The following HNRNPC variants were observed in gnomAD, a reference collection of about 807,000 sequenced individuals.
HNRNPC encodes the protein heterogeneous nuclear ribonucleoproteins C1/C2.
A neutral mutation model predicts 33.2 loss-of-function variants in HNRNPC; 3 were observed. The observed-to-expected ratio is 0.09, with a 90% CI of 0.04 to 0.23. The LOEUF is 0.23. HNRNPC is among the 10% of genes least tolerant of loss of function. The pLI is 1.00. For synonymous variants in HNRNPC, 121 were observed against 126.7 expected (o/e 0.96, Z 0.30); for missense variants, 143 against 366.7 (o/e 0.39, Z 4.98).
intron 2 of HNRNPC, among the ~76,000 whole-genome samples, chr14:21,235,411 T>G (rs1894593597): frequency 6.6e-6 from 1 of 152,160 alleles, no homozygotes; most frequent in Admixed American, 6.5e-5. Flanking sequence ...AACAGGTAGT[T>G]TAACACCATT....
chr14:21,229,848 T>C (rs1304523322), intron 5 of HNRNPC, among the ~76,000 whole-genome samples: 3 of 152,212 alleles, frequency 2.0e-5, no homozygotes, highest in Non-Finnish European at 4.4e-5. Context: ...TTGCATACAA[T>C]AGTTTGCTCC....
chr14:21,253,726 T>G (rs549019444), intron 2 of HNRNPC, among the ~76,000 whole-genome samples: 2 of 152,000 alleles, frequency 1.3e-5, no homozygotes, highest in Non-Finnish European at 2.9e-5. Context: ...ACACTGCCAA[T>G]AAATTGCTAA....
chr14:21,215,935 GAAAAGA>G (rs1223154819), intron 5 of HNRNPC, among the ~76,000 whole-genome samples: 56 of 136,772 alleles, frequency 4.1e-4, no homozygotes, highest in African/African-American at 1.6e-3. Flanking sequence ...GAAAGAAAAG[GAAAAGA>G]AAAAGAAAAA....
At chr14:21,235,212 CA>C (rs1200216074) in intron 2 of HNRNPC, among the ~76,000 whole-genome samples, 1 of 152,110 alleles carries the variant, frequency 6.6e-6, no homozygotes, top group African/African-American at 2.4e-5. Flanking sequence ...CTTCCCACTC[CA>C]ACCCCCAATC....
chr14:21,213,010 C>G lies in HNRNPC; in HGVS notation c.473G>C (p.Ser158Thr). The G allele has an allele frequency of 6.2e-7, 1 of 1,613,976 alleles. No homozygotes were observed. The highest frequency in any genetic ancestry group is 1.7e-4 in the Middle Eastern group (1 of 6,056). The stretch of plus-strand genomic sequence containing the variant: ...CTGTCCACTCTTAGAATTGAAGCCA[C>G]TTTTGCCCCTTCGTGAAGTGTTTCC... ...VSGNTSRRGK[S>T]GFNSKSGQRG... Residue 158 changes from serine to threonine, a missense_variant, in exon 6 of 9, where the codon AGT (serine) becomes ACT (threonine). Physicochemically the swap from Ser to Thr is moderately conservative, Grantham distance 58. Coordinates refer to ENST00000553300, the MANE Select transcript of HNRNPC (RefSeq NM_004500.4).
At chr14:21,268,665 T>A (rs1459892852) in intron 1 of HNRNPC, 2 of 152,214 alleles carry the variant, frequency 1.3e-5, no homozygotes, top group Non-Finnish European at 2.9e-5. Context: ...AAGTGTTTTG[T>A]AACCTGCAGA....
intron 2 of HNRNPC, among the ~76,000 whole-genome samples, chr14:21,248,325 G>C (rs1471443922): frequency 1.3e-5 from 2 of 152,146 alleles, no homozygotes; most frequent in Non-Finnish European, 2.9e-5. Context: ...TTACAGGCGT[G>C]AGCCCCTGCA....
chr14:21,246,472 A>T (rs942512972), intron 2 of HNRNPC, among the ~76,000 whole-genome samples: 4 of 151,816 alleles, frequency 2.6e-5, no homozygotes, highest in African/African-American at 9.7e-5. Context: ...AGGCTGAGGC[A>T]GGAAAATGGC....
chr14:21,226,146 C>A (rs1373754778), intron 5 of HNRNPC, among the ~76,000 whole-genome samples: 1 of 151,644 alleles, frequency 6.6e-6, no homozygotes, highest in African/African-American at 2.4e-5. Flanking sequence ...CATACTGAAA[C>A]CCCATGTCTA....
chr14:21,228,779 A>C (rs115598005), intron 5 of HNRNPC, among the ~76,000 whole-genome samples: 1 of 152,100 alleles, frequency 6.6e-6, no homozygotes, highest in African/African-American at 2.4e-5. Flanking sequence ...ATGTTCACAC[A>C]TAACTGTAAA....
chr14:21,261,493 T>C (rs1046547919), intron 2 of HNRNPC, among the ~76,000 whole-genome samples: 3 of 152,218 alleles, frequency 2.0e-5, no homozygotes, highest in Non-Finnish European at 4.4e-5. Flanking sequence ...CTGTTTTGAG[T>C]GTACCTCTGG....
chr14:21,220,668 TAACAAACCG>T (rs1892728664), intron 5 of HNRNPC, among the ~76,000 whole-genome samples: 1 of 152,220 alleles, frequency 6.6e-6, no homozygotes, highest in Admixed American at 6.5e-5. Flanking sequence ...CAACAACGTG[TAACAAACCG>T]AACCCTATCT....
intron 2 of HNRNPC, among the ~76,000 whole-genome samples, chr14:21,250,456 C>G (rs1225844339): frequency 6.6e-6 from 1 of 152,154 alleles, no homozygotes. Flanking sequence ...TATGACAGAT[C>G]TACCTTGATT....
chr14:21,209,575 G>A lies in HNRNPC; in HGVS notation c.*1648C>T, dbSNP rs1420232061. On this transcript the variant is annotated 3_prime_UTR_variant, in exon 9 of 9. Transcript: ENST00000553300. ...AAGAAATTGCCTATATCATGTATAT[G>A]GGCTCCAAGGGTAGTTCATACTTCA... 1 of 152,106 alleles carries A rather than the reference G, an allele frequency of 6.6e-6. No individual in the cohort carries two copies. The highest frequency in any genetic ancestry group is 2.4e-5 in the African/African-American group (1 of 41,414). The allele number at this position is 152,106 out of a possible 1,614,324, so 9.4% of individuals were successfully genotyped here. A position where few individuals can be genotyped will look rare whatever the true frequency, so the allele number is the denominator to read the frequency against.
intron 5 of HNRNPC, among the ~76,000 whole-genome samples, chr14:21,229,080 G>A (rs1403858230): frequency 4.0e-5 from 5 of 126,042 alleles, no homozygotes; most frequent in South Asian, 2.5e-4. Context: ...GGAAAATTCC[G>A]TATTTAAAAA....
intron 1 of HNRNPC, among the ~76,000 whole-genome samples, chr14:21,267,536 C>T (rs1460686406): frequency 1.3e-5 from 2 of 149,228 alleles, no homozygotes; most frequent in Non-Finnish European, 3.0e-5. Context: ...GAGAGTGGCA[C>T]TAGCATGAGG....
At chr14:21,249,625 A>G (rs984194902) in intron 2 of HNRNPC, among the ~76,000 whole-genome samples, 1 of 150,796 alleles carries the variant, frequency 6.6e-6, no homozygotes, top group African/African-American at 2.4e-5. Context: ...AGAATCAATG[A>G]ATTGGGTACC....
chr14:21,224,471 TATC>T (rs1893191564), intron 5 of HNRNPC, among the ~76,000 whole-genome samples: 1 of 152,138 alleles, frequency 6.6e-6, no homozygotes, highest in Non-Finnish European at 1.5e-5. Flanking sequence ...TGGCATAATC[TATC>T]ATCTAGTCAC....
At chr14:21,250,668 T>C (rs1896538692) in intron 2 of HNRNPC, among the ~76,000 whole-genome samples, 1 of 152,210 alleles carries the variant, frequency 6.6e-6, no homozygotes, top group Non-Finnish European at 1.5e-5. Flanking sequence ...GCAAATAAAA[T>C]GTCATGTTTT....
Sources: allele counts gnomAD v4.1 joint callset (sites outside exome capture counted in the v4.1 genomes callset), GRCh38; gene constraint gnomAD v4.1.1; transcripts MANE v1.5; gene names NCBI Gene and HGNC (gene_info 2026-07-23, HGNC 2026-07-21).